The following KIFC3 variants were observed in gnomAD, a reference collection of about 807,000 sequenced individuals.
The protein encoded by KIFC3 is kinesin family member C3.
A neutral mutation model predicts 101.8 loss-of-function variants in KIFC3; 60 were observed. The ratio of observed to expected loss-of-function variants is 0.59; its 90% CI spans 0.48 to 0.73. The LOEUF (loss-of-function observed/expected upper bound fraction) is 0.73, where lower values mean the gene tolerates loss of function less well. Ranked by LOEUF, KIFC3 falls within the 30% of genes least tolerant of loss-of-function variation. The pLI is 0.00. For synonymous variants in KIFC3, 476 were observed against 482.7 expected (o/e 0.99, Z 0.18); for missense variants, 966 against 1,137.1 (o/e 0.85, Z 2.16).
At chr16:57,844,455 G>A (rs866366216) in intron 1 of KIFC3, among the ~76,000 whole-genome samples, 1 of 147,290 alleles carries the variant, frequency 6.8e-6, no homozygotes, top group Non-Finnish European at 1.5e-5. Context: ...AAAAAAAAAG[G>A]CAGCGTAAAC....
chr16:57,769,957 T>TG lies in KIFC3; in HGVS notation c.940-3dup. On this transcript the variant is annotated splice_region_variant and splice_polypyrimidine_tract_variant and intron_variant, in intron 7 of 19. Transcript: ENST00000445690. This position sits in a 1 kb window ranked among gnomAD's most constrained non-coding sequence, Gnocchi z 4.3. The stretch of plus-strand genomic sequence containing the variant: ...CAGCTCTGACTCGTACATGGCAATC[T>TG]GGCCAGACCAGGAAAAGGCTCAGTA... 6.2e-7 allele frequency: 1 copy of TG among 1,611,140 alleles called. No homozygotes were observed. Among genetic ancestry groups the TG allele is most frequent in the Non-Finnish European group, 8.5e-7 (1 of 1,179,810 alleles).
intron 3 of KIFC3, among the ~76,000 whole-genome samples, chr16:57,790,067 TTTCTTTCTTTC>T (rs1271668349): frequency 5.0e-4 from 32 of 64,080 alleles, no homozygotes; most frequent in Middle Eastern, 7.4e-3. Flanking sequence ...TCTTTCTTTC[TTTCTTTCTTTC>T]TTTTTTTTTT....
In KIFC3 at chr16:57,857,398, T is replaced by TC. The variant is rs1444314253; in HGVS notation, c.108+5330_108+5331insG. On this transcript the variant is annotated intron_variant, in intron 1 of 2. Coordinates refer to the KIFC3 transcript ENST00000563028. ...CCCAGAACCCCCTAAAACCTTTCTT[T>TC]TTTTTTTTTTAATTATACTTTAAAT... 3.3e-5 allele frequency among the ~76,000 whole-genome samples: 5 copies of TC among 151,178 alleles called. No individual in the cohort carries two copies. The East Asian group carries it at 5.8e-4, about 18-fold the overall frequency.
intron 11 of KIFC3, 155 bp from the exon 12 acceptor site, chr16:57,764,402 A>G: frequency 1.6e-6 from 1 of 612,236 alleles, no homozygotes; most frequent in East Asian, 2.8e-5. Context: ...TTCGTGACTC[A>G]TGAGTCATAC....
chr16:57,822,251 T>C (rs1568087058), intron 1 of KIFC3, among the ~76,000 whole-genome samples: 1 of 152,186 alleles, frequency 6.6e-6, no homozygotes, highest in Non-Finnish European at 1.5e-5. Context: ...TGTTTCCTTC[T>C]GTGCAAAAGT....
chr16:57,813,147 GCGAAA>G (rs2055131762), intron 1 of KIFC3, among the ~76,000 whole-genome samples: 1 of 152,058 alleles, frequency 6.6e-6, no homozygotes, highest in Admixed American at 6.5e-5. Context: ...GCTCAACATG[GCGAAA>G]CTCCATCTCT....
chr16:57,795,877 C>CTTTTTTTTT (rs1568047538), intron 2 of KIFC3, among the ~76,000 whole-genome samples: 5 of 81,096 alleles, frequency 6.2e-5, no homozygotes, highest in African/African-American at 1.4e-4. Context: ...TTTTTTTGGG[C>CTTTTTTTTT]TTTTTTGTTT....
intron 1 of KIFC3, among the ~76,000 whole-genome samples, chr16:57,844,431 A>G (rs1485345127): frequency 4.6e-5 from 3 of 65,032 alleles, no homozygotes; most frequent in South Asian, 6.5e-4. Flanking sequence ...ACTCAGTCTC[A>G]GGGAAAAAAA....
intron 3 of KIFC3, 88 bp from the exon 4 acceptor site, chr16:57,772,376 G>A (rs2051367940): frequency 3.5e-6 from 4 of 1,143,054 alleles, no homozygotes; most frequent in Non-Finnish European, 5.2e-6. Context: ...AGGGATGACT[G>A]ATGTGGCTGT....
rs782673265 is a variant in KIFC3, at chr16:57,759,782, T to C, written c.2422A>G (p.Ser808Gly). 6.2e-7 allele frequency: 1 copy of C among 1,611,278 alleles called. No homozygotes were observed. The highest frequency in any genetic ancestry group is 8.5e-7 in the Non-Finnish European group (1 of 1,178,938). Reference sequence around the variant, plus strand: ...CCAGGGCGGCTACTGGTCCCAGAGCTGGGGGCTGAGTGGGCCCGTGCCGAG... The same window carrying C: ...CCAGGGCGGCTACTGGTCCCAGAGCCGGGGGCTGAGTGGGCCCGTGCCGAG... ...QPSARAHSAP[S>G]SGTSSRPGSI... Residue 808 changes from serine (S) to glycine (G), a missense_variant, in exon 18 of 20, where the codon AGC becomes GGC. Coordinates refer to ENST00000445690, the MANE Select transcript of KIFC3 (RefSeq NM_001130100.2).
At position 57,771,576 on chromosome 16, in the gene KIFC3, T is replaced by C. The variant is rs546682858; in HGVS notation, c.492A>G (p.Pro164=). The change falls in exon 5 of 20, where the codon CCA becomes CCG. Residue 164 remains proline (P), a synonymous_variant. Coordinates refer to ENST00000445690, the MANE Select transcript of KIFC3 (RefSeq NM_001130100.2). ...GCTCACAACCTGGGCAGGGACCTGCTGGCTTTGTGCGCAGCTCTTGCAGCT... is the reference window on the plus strand; with the variant it reads ...GCTCACAACCTGGGCAGGGACCTGCCGGCTTTGTGCGCAGCTCTTGCAGCT... ...EAELQELRTK[P]AGPCPGCEHS... is the part of the protein sequence containing the mutation. The C allele has an allele frequency of 3.7e-6, 6 of 1,613,430 alleles. No homozygotes were observed. Among genetic ancestry groups the C allele is most frequent in the Admixed American group, 3.3e-5 (2 of 60,006 alleles).
upstream of KIFC3, chr16:57,803,006 C>T (rs915506838): frequency 2.6e-6 from 4 of 1,535,756 alleles, no homozygotes; most frequent in African/African-American, 2.7e-5. Flanking sequence ...CACGCGCTGG[C>T]GCACATGCAC....
chr16:57,843,388 A>C (rs2055850691), intron 1 of KIFC3, among the ~76,000 whole-genome samples: 1 of 152,172 alleles, frequency 6.6e-6, no homozygotes, highest in South Asian at 2.1e-4. Context: ...GCTTTGCCTC[A>C]TCACTACTTA....
chr16:57,776,001 C>A, intron 3 of KIFC3: 1 of 985,518 alleles, frequency 1.0e-6, no homozygotes, highest in Non-Finnish European at 1.2e-6. Flanking sequence ...TGCATTTACA[C>A]TTCACAGGCA....
intron 1 of KIFC3, among the ~76,000 whole-genome samples, chr16:57,857,891 A>G (rs1303581600): frequency 1.3e-4 from 16 of 125,612 alleles, no homozygotes; most frequent in African/African-American, 5.0e-4. Context: ...CAGTGGCACG[A>G]TCTCGGCTCA....
Position 57,760,278 on chromosome 16 carries a change from G to C in KIFC3, c.2367+4C>G. On this transcript the variant is annotated splice_donor_region_variant and intron_variant, in intron 17 of 19. Coordinates refer to ENST00000445690, the MANE Select transcript of KIFC3 (RefSeq NM_001130100.2). ...CTGAGCCAGGCCTGTGACAGTCCCC[G>C]TACCTCTAGATGCTCCTGGCTTGAC... 6.2e-7 allele frequency: 1 copy of C among 1,610,326 alleles called. No homozygotes were observed. Among genetic ancestry groups the C allele is most frequent in the Non-Finnish European group, 8.5e-7 (1 of 1,177,518 alleles).
intron 3 of KIFC3, among the ~76,000 whole-genome samples, chr16:57,789,710 A>G (rs2053682735): frequency 6.6e-6 from 1 of 151,040 alleles, no homozygotes; most frequent in East Asian, 1.9e-4. Context: ...ATAAACACTG[A>G]CTGTGTTTCT....
rs781911915 is a variant in KIFC3, at chr16:57,771,310, C to T, written c.653G>A (p.Arg218Gln). The T allele has an allele frequency of 7.4e-6, 12 of 1,613,500 alleles. No homozygotes were observed. Among genetic ancestry groups the T allele is most frequent in the Admixed American group, 5.0e-5 (3 of 60,012 alleles). Residue 218 changes from arginine to glutamine, a missense_variant, in exon 6 of 20, where the codon CGA (arginine) becomes CAA (glutamine). By Grantham distance (43) the Arg-to-Gln change is conservative (BLOSUM62 1). Coordinates refer to ENST00000445690, the MANE Select transcript of KIFC3 (RefSeq NM_001130100.2). ...CTTCTCAGCCAGGCAGTCCTTGAGT[C>T]GCAGCTCCACCTCAGCCAGCCGGTC... The part of the protein sequence containing the change: ...KTDRLAEVEL[R>Q]LKDCLAEKAQ...
At chr16:57,812,749 C>T (rs1272537582) in intron 1 of KIFC3, among the ~76,000 whole-genome samples, 4 of 152,212 alleles carry the variant, frequency 2.6e-5, no homozygotes, top group African/African-American at 4.8e-5. Context: ...ACCGAAACAC[C>T]GGGCTGGCCA....
Sources: allele counts gnomAD v4.1 joint callset (sites outside exome capture counted in the v4.1 genomes callset), GRCh38; gene constraint gnomAD v4.1.1; non-coding constraint Gnocchi (gnomAD v3.1); transcripts MANE v1.5; gene names NCBI Gene and HGNC (gene_info 2026-07-23, HGNC 2026-07-21).